MARCHF3: variants seen among roughly 807,000 people sequenced by gnomAD.
The protein encoded by MARCHF3 is E3 ubiquitin-protein ligase MARCHF3.
In MARCHF3, 13 loss-of-function variants were observed where a neutral mutation model predicts 24.2. That is an observed-to-expected ratio of 0.54 (90% CI 0.35 to 0.85). MARCHF3 has a LOEUF of 0.85. Among genes scored for constraint, MARCHF3 ranks in the 40% least tolerant of loss-of-function variants. MARCHF3 has a pLI of 0.01. For synonymous variants in MARCHF3, 144 were observed against 137.3 expected, an observed-to-expected ratio of 1.05 and a Z score of -0.34; for missense variants, 276 against 325.0, an observed-to-expected ratio of 0.85 and a Z score of 1.16.
chr5:126,981,704 A>G (rs1223834357), intron 1 of MARCHF3, among the ~76,000 whole-genome samples: 1 of 152,236 alleles, frequency 6.6e-6, no homozygotes, highest in East Asian at 1.9e-4. Context: ...ATACCAGCAA[A>G]TTGAGAATTG....
At chr5:126,967,869 A>C (rs1331747317) in intron 1 of MARCHF3, among the ~76,000 whole-genome samples, 1 of 152,170 alleles carries the variant, frequency 6.6e-6, no homozygotes, top group African/African-American at 2.4e-5. Flanking sequence ...TATACAATTC[A>C]GTGGTTTTTA....
At chr5:126,999,273 A>C (rs979011394) in intron 1 of MARCHF3, among the ~76,000 whole-genome samples, 5 of 152,156 alleles carry the variant, frequency 3.3e-5, no homozygotes, top group Admixed American at 3.3e-4. Flanking sequence ...CAGATGGCAG[A>C]CTTTTTTTTC....
chr5:126,893,009 G>C (rs376603513), intron 3 of MARCHF3, among the ~76,000 whole-genome samples: 4 of 150,954 alleles, frequency 2.6e-5, no homozygotes, highest in East Asian at 2.0e-4. Flanking sequence ...CTTCCTGGTT[G>C]AGTCTTGGGA....
At chr5:126,951,200 G>C (rs1275615597) in intron 1 of MARCHF3, among the ~76,000 whole-genome samples, 1 of 152,114 alleles carries the variant, frequency 6.6e-6, no homozygotes, top group African/African-American at 2.4e-5. Context: ...TTGGCTTCCA[G>C]AACATCACAC....
chr5:126,898,021 G>A (rs1344039709), intron 3 of MARCHF3, among the ~76,000 whole-genome samples: 1 of 152,054 alleles, frequency 6.6e-6, no homozygotes, highest in Non-Finnish European at 1.5e-5. Context: ...AGATAGATTA[G>A]TGGCTGCCTA....
At chr5:126,933,932 A>G (rs1749557224) in intron 1 of MARCHF3, among the ~76,000 whole-genome samples, 1 of 152,192 alleles carries the variant, frequency 6.6e-6, no homozygotes, top group Admixed American at 6.5e-5. Context: ...GTATCTACAA[A>G]TGATTGTAAA....
At chr5:126,997,810 G>C (rs546020197) in intron 1 of MARCHF3, among the ~76,000 whole-genome samples, 2 of 152,204 alleles carry the variant, frequency 1.3e-5, no homozygotes, top group East Asian at 3.9e-4. Context: ...GGTCAACCTA[G>C]GCTTGCCTGC....
chr5:126,874,535 C>T (rs929882700), intron 4 of MARCHF3, among the ~76,000 whole-genome samples: 29 of 150,600 alleles, frequency 1.9e-4, no homozygotes, highest in African/African-American at 5.9e-4. Flanking sequence ...GCGGTGATCT[C>T]GGCTCACACC....
intron 4 of MARCHF3, 52 bp from the exon 5 acceptor site, chr5:126,870,843 G>A (rs891286699): frequency 5.0e-6 from 8 of 1,602,896 alleles, no homozygotes; most frequent in Non-Finnish European, 6.8e-6. Flanking sequence ...CAGCAGAAGT[G>A]GATAATCAAT....
At chr5:126,953,449 A>G (rs1183412325) in intron 1 of MARCHF3, among the ~76,000 whole-genome samples, 2 of 149,398 alleles carry the variant, frequency 1.3e-5, no homozygotes, top group Non-Finnish European at 3.0e-5. Flanking sequence ...AACATTCTCC[A>G]AAAAAAAAAT....
chr5:126,945,945 G>A (rs575036619), intron 1 of MARCHF3, among the ~76,000 whole-genome samples: 1 of 152,326 alleles, frequency 6.6e-6, no homozygotes, highest in South Asian at 2.1e-4. Flanking sequence ...TACACATTCT[G>A]TAGTGGAGGG....
At chr5:126,934,045 CA>C (rs1465097961) in intron 1 of MARCHF3, among the ~76,000 whole-genome samples, 2 of 152,122 alleles carry the variant, frequency 1.3e-5, no homozygotes, top group African/African-American at 4.8e-5. Flanking sequence ...TTTTAAACTA[CA>C]AAAACATACG....
At chr5:127,025,837 C>T (rs945768814) in intron 1 of MARCHF3, among the ~76,000 whole-genome samples, 2 of 152,142 alleles carry the variant, frequency 1.3e-5, no homozygotes, top group Non-Finnish European at 2.9e-5. Context: ...TTCTGTAGCT[C>T]AATGACTGTC....
chr5:126,889,444 C>G (rs1398440380), intron 3 of MARCHF3, among the ~76,000 whole-genome samples: 1 of 151,992 alleles, frequency 6.6e-6, no homozygotes, highest in Non-Finnish European at 1.5e-5. Flanking sequence ...ATATCTGTGT[C>G]CCTCAGGTGT....
At chr5:126,981,357 C>T (rs567389481) in intron 1 of MARCHF3, among the ~76,000 whole-genome samples, 1 of 152,294 alleles carries the variant, frequency 6.6e-6, no homozygotes, top group Non-Finnish European at 1.5e-5. Flanking sequence ...TCAACTAATC[C>T]AATCCATGAG....
chr5:126,986,000 G>A (rs1751552674), intron 1 of MARCHF3, among the ~76,000 whole-genome samples: 1 of 152,204 alleles, frequency 6.6e-6, no homozygotes, highest in Admixed American at 6.5e-5. Context: ...ATCATTAGCA[G>A]AACATGCTCT....
At chr5:126,950,873 T>C (rs556931880) in intron 1 of MARCHF3, among the ~76,000 whole-genome samples, 1 of 152,302 alleles carries the variant, frequency 6.6e-6, no homozygotes, top group African/African-American at 2.4e-5. Flanking sequence ...TTTATTGAGG[T>C]ATAACTAAAA....
intron 1 of MARCHF3, among the ~76,000 whole-genome samples, chr5:127,022,907 G>C (rs1580500346): frequency 1.3e-5 from 2 of 152,204 alleles, no homozygotes; most frequent in Non-Finnish European, 2.9e-5. Context: ...ACAGAAAATA[G>C]GGGACCTTGA....
intron 1 of MARCHF3, among the ~76,000 whole-genome samples, chr5:126,976,115 T>C (rs1482338632): frequency 1.3e-5 from 2 of 152,126 alleles, no homozygotes; most frequent in South Asian, 4.1e-4. Context: ...CATAGAGGGA[T>C]CTTTCTCCTT....
Sources: gnomAD v4.1 joint callset for allele counts (sites outside exome capture counted in the v4.1 genomes callset) on GRCh38, gnomAD v4.1.1 for gene constraint, MANE v1.5 for transcripts, NCBI Gene and HGNC (gene_info 2026-07-23, HGNC 2026-07-21) for gene names.